The following COBLL1 variants were observed in gnomAD, a reference collection of about 807,000 sequenced individuals.
The protein encoded by COBLL1 is cordon-bleu protein-like 1.
In COBLL1, 50 loss-of-function variants were observed where a neutral mutation model predicts 94.8. That is an observed-to-expected ratio of 0.53 (90% confidence interval 0.42 to 0.67). COBLL1 has a LOEUF of 0.67. Ranked by LOEUF, COBLL1 falls within the 30% of genes least tolerant of loss-of-function variation. The probability of loss-of-function intolerance (pLI) is 0.00; values close to 1 mark genes in which losing one functional copy is unlikely to be tolerated. For synonymous variants in COBLL1, 448 were observed against 473.8 expected, an observed-to-expected ratio of 0.95 and a Z score of 0.71; for missense variants, 1,362 against 1,348.7, an observed-to-expected ratio of 1.01 and a Z score of -0.15.
At chr2:164,796,861 G>C (rs957110161) in intron 2 of COBLL1, among the ~76,000 whole-genome samples, 2 of 152,020 alleles carry the variant, frequency 1.3e-5, no homozygotes, top group Non-Finnish European at 2.9e-5. Context: ...TGTAGTCCTA[G>C]CTACTAGGGA....
chr2:164,756,243 G>A (rs1397319495), intron 2 of COBLL1, among the ~76,000 whole-genome samples: 1 of 152,080 alleles, frequency 6.6e-6, no homozygotes, highest in African/African-American at 2.4e-5. Context: ...AAGCAGATAT[G>A]TACTCCAGTA....
chr2:164,778,749 AG>A, intron 2 of COBLL1, among the ~76,000 whole-genome samples: 1 of 152,230 alleles, frequency 6.6e-6, no homozygotes, highest in Non-Finnish European at 1.5e-5. Flanking sequence ...GGTTAAGACC[AG>A]GGACAAGCAG....
chr2:164,745,059 A>C (rs1686798212), intron 2 of COBLL1, among the ~76,000 whole-genome samples: 1 of 152,206 alleles, frequency 6.6e-6, no homozygotes, highest in South Asian at 2.1e-4. Context: ...CACTCAGAAA[A>C]ATACAGATTT....
chr2:164,658,938 C>T (rs995785018), intron 2 of COBLL1, among the ~76,000 whole-genome samples: 1 of 151,914 alleles, frequency 6.6e-6, no homozygotes, highest in Non-Finnish European at 1.5e-5. Context: ...TTGACAGTTC[C>T]CTTCTATTTC....
At chr2:164,786,555 C>T (rs1688964931) in intron 2 of COBLL1, among the ~76,000 whole-genome samples, 1 of 152,032 alleles carries the variant, frequency 6.6e-6, no homozygotes, top group South Asian at 2.1e-4. Context: ...TTGGGTGATC[C>T]AGGAGAAGAA....
rs1018489659 is a variant in COBLL1 at position 164,683,273 on chromosome 2, A to C, written c.*2673T>G. ...AAAGCAAAATGCCTAGATGCTAAAA[A>C]TTATACATGAAAGTCAAAAGTTGGT... is the stretch of plus-strand genomic sequence containing the variant. On this transcript the variant is annotated 3_prime_UTR_variant, in exon 14 of 14. Coordinates refer to ENST00000652658, the MANE Select transcript of COBLL1 (RefSeq NM_001365672.2). 1 of 152,072 alleles carries C rather than the reference A, an allele frequency of 6.6e-6. No homozygotes were observed. The highest frequency in any genetic ancestry group is 1.5e-5 in the Non-Finnish European group (1 of 67,994). 9.4% of individuals were successfully genotyped at this position (152,072 alleles called of 1,614,324 possible).
intron 1 of COBLL1, among the ~76,000 whole-genome samples, chr2:164,667,797 C>T (rs1171094048): frequency 1.3e-5 from 2 of 152,174 alleles, no homozygotes; most frequent in Non-Finnish European, 2.9e-5. Context: ...TCTAGCCAGA[C>T]CACTAAACTG....
At chr2:164,721,120 G>A (rs1685422995) in intron 7 of COBLL1, among the ~76,000 whole-genome samples, 1 of 152,064 alleles carries the variant, frequency 6.6e-6, no homozygotes, top group South Asian at 2.1e-4. Context: ...TTTAAGTAAA[G>A]GAAGCACAGA....
At chr2:164,763,701 A>G (rs1425200020) in intron 2 of COBLL1, among the ~76,000 whole-genome samples, 1 of 152,260 alleles carries the variant, frequency 6.6e-6, no homozygotes, top group Non-Finnish European at 1.5e-5. Flanking sequence ...AATGACATAA[A>G]GAAAATAAGT....
At chr2:164,785,494 T>G (rs1688913215) in intron 2 of COBLL1, among the ~76,000 whole-genome samples, 1 of 152,142 alleles carries the variant, frequency 6.6e-6, no homozygotes, top group Non-Finnish European at 1.5e-5. Flanking sequence ...AGTCAAAGAT[T>G]TAAAGAGTTC....
chr2:164,759,287 A>G (rs982432819), intron 2 of COBLL1, among the ~76,000 whole-genome samples: 7 of 152,176 alleles, frequency 4.6e-5, no homozygotes, highest in Non-Finnish European at 1.5e-5. Context: ...AAATTTGCCA[A>G]AATAATTTTC....
Position 164,818,429 on chromosome 2 carries a change from ATGTATACATATACACATATTTACAT to A in COBLL1, c.41+22702_41+22726del, listed in dbSNP as rs1429619679. On this transcript the variant is annotated intron_variant, in intron 2 of 13. Coordinates refer to ENST00000652658, the MANE Select transcript of COBLL1 (RefSeq NM_001365672.2). ...ATATATACATATTTACAATGTATGC[ATGTATACATATACACATATTTACAT>A]TGTATACATATACACATATTTACAA... 1.7e-3 allele frequency among the ~76,000 whole-genome samples: 248 copies of A among 149,688 alleles called. 3 individuals carry two copies. The South Asian group carries it at 0.019, about 12-fold the overall frequency.
intron 2 of COBLL1, among the ~76,000 whole-genome samples, chr2:164,798,906 G>C (rs1683614957): frequency 6.6e-6 from 1 of 151,308 alleles, no homozygotes; most frequent in South Asian, 2.1e-4. Context: ...TGTAGTCCCA[G>C]ATACTCGGGA....
intron 2 of COBLL1, among the ~76,000 whole-genome samples, chr2:164,812,784 G>A (rs1268443401): frequency 6.6e-6 from 1 of 151,956 alleles, no homozygotes; most frequent in African/African-American, 2.4e-5. Flanking sequence ...TTATAACCCT[G>A]ATTTTAGTTT....
intron 2 of COBLL1, among the ~76,000 whole-genome samples, chr2:164,820,834 A>C: frequency 6.6e-6 from 1 of 152,156 alleles, no homozygotes; most frequent in East Asian, 1.9e-4. Flanking sequence ...TGTGTGCTTT[A>C]TGATTAAAAT....
At chr2:164,795,563 G>A (rs967470800) in intron 2 of COBLL1, among the ~76,000 whole-genome samples, 23 of 151,986 alleles carry the variant, frequency 1.5e-4, no homozygotes, top group African/African-American at 5.3e-4. Flanking sequence ...CTCCAGGATC[G>A]TAAGCTATGT....
chr2:164,803,026 T>A (rs1218663459), intron 2 of COBLL1, among the ~76,000 whole-genome samples: 1 of 152,208 alleles, frequency 6.6e-6, no homozygotes, highest in Non-Finnish European at 1.5e-5. Flanking sequence ...AGATTTTTAA[T>A]TCAGTTTTTA....
At chr2:164,687,309 T>C in intron 13 of COBLL1, 1 of 640,874 alleles carries the variant, frequency 1.6e-6, no homozygotes, top group Non-Finnish European at 2.8e-6. Flanking sequence ...CCGGCACTTG[T>C]CCACAGGGCC....
At position 164,730,193 on chromosome 2, in the gene COBLL1, A is replaced by G. The variant is rs1685923355; in HGVS notation, c.231-78T>C. The G allele has an allele frequency of 3.2e-6, 4 of 1,250,868 alleles. No individual in the cohort carries two copies. The East Asian group carries it at 9.6e-5, about 30-fold the overall frequency. The allele number at this position is 1,250,868 out of a possible 1,614,324, so 77.5% of individuals were successfully genotyped here. On this transcript the variant is annotated intron_variant, in intron 3 of 13. Coordinates refer to ENST00000652658, the MANE Select transcript of COBLL1 (RefSeq NM_001365672.2). ...AATGCTTGTCTTCAATAGATAAACA[A>G]GTCTACAAGATAGTTTTTGGAAAAG...
Sources: gnomAD v4.1 joint callset for allele counts (sites outside exome capture counted in the v4.1 genomes callset) on GRCh38, gnomAD v4.1.1 for gene constraint, MANE v1.5 for transcripts, NCBI Gene and HGNC (gene_info 2026-07-23, HGNC 2026-07-21) for gene names.